Variants in RNPEP observed in about 807,000 individuals in gnomAD.
The protein encoded by RNPEP is arginyl aminopeptidase.
Under a neutral mutation model 70.1 loss-of-function variants are expected in RNPEP, and 57 were observed. The ratio of observed to expected loss-of-function variants is 0.81; its 90% CI spans 0.66 to 1.01. The LOEUF is 1.01. RNPEP is among the 50% of genes least tolerant of loss of function. RNPEP has a pLI of 0.00. For missense variants in RNPEP, 787 were observed against 852.4 expected, an observed-to-expected ratio of 0.92 and a Z score of 0.96; for synonymous variants, 335 against 357.4, an observed-to-expected ratio of 0.94 and a Z score of 0.71.
intron 3 of RNPEP, 78 bp from the exon 4 acceptor site, chr1:201,996,069 C>A: frequency 1.7e-6 from 2 of 1,193,938 alleles, no homozygotes; most frequent in Non-Finnish European, 2.4e-6. Flanking sequence ...AGGCCAATTT[C>A]CTACAGGTGC....
rs752861263 is a variant in RNPEP at position 202,003,332 on chromosome 1, C to T, written c.1522C>T (p.Leu508=). The change falls in exon 9 of 11, where the codon CTA becomes TTA. Residue 508 remains leucine (L), a synonymous_variant. Coordinates refer to ENST00000295640, the MANE Select transcript of RNPEP (RefSeq NM_020216.4). Reference sequence around the variant, plus strand: ...CTCACTCATGAAGCCTGCTGAAGAGCTAGCCCAACTGTGGGCAGCCGAGGA... The same window carrying T: ...CTCACTCATGAAGCCTGCTGAAGAGTTAGCCCAACTGTGGGCAGCCGAGGA... ...GDSLMKPAEE[L]AQLWAAEELD... The T allele has an allele frequency of 6.2e-7, 1 of 1,614,196 alleles. No homozygotes were observed. The highest frequency in any genetic ancestry group is 1.1e-5 in the South Asian group (1 of 91,084).
chr1:202,003,255 G>A lies in RNPEP; in HGVS notation c.1445G>A (p.Trp482Ter). ...DIIPGFEFDR[W>*]LNTPGWPPYL... Reference sequence around the variant, plus strand: ...CAAACAGGTTTTGAGTTTGATCGATGGCTGAATACCCCCGGCTGGCCCCCG... The same window carrying A: ...CAAACAGGTTTTGAGTTTGATCGATAGCTGAATACCCCCGGCTGGCCCCCG... The change falls in exon 9 of 11, where the codon TGG becomes TAG. Residue 482 changes from tryptophan (W) to a stop codon, truncating the protein, a stop_gained. Transcript: ENST00000295640. LOFTEE classifies it high-confidence loss of function. 6.2e-7 allele frequency: 1 copy of A among 1,612,388 alleles called. No individual in the cohort carries two copies. The highest frequency in any genetic ancestry group is 8.5e-7 in the Non-Finnish European group (1 of 1,178,988).
chr1:201,986,658 A>G (rs566095705), intron 1 of RNPEP, among the ~76,000 whole-genome samples: 1 of 149,604 alleles, frequency 6.7e-6, no homozygotes, highest in East Asian at 2.0e-4. Context: ...CTCCTCCCTC[A>G]GCCTCCGAAG....
At chr1:201,997,704 G>T in intron 5 of RNPEP, 150 bp downstream of exon 5, 1 of 540,254 alleles carries the variant, frequency 1.9e-6, no homozygotes. Context: ...TGTATGAATT[G>T]TCAAACCACA....
rs1558257963 is a variant in RNPEP, at chr1:201,984,821, C to CTTTTTTCTTTTTCTTTTTTTTTTTTT, written c.447+1714_447+1715insCTTTTTCTTTTTTTTTTTTTTTTTTT. Among the ~76,000 whole-genome samples, 4 of 121,998 alleles carry CTTTTTTCTTTTTCTTTTTTTTTTTTT rather than the reference C, an allele frequency of 3.3e-5. 1 individual carries two copies. The highest frequency in any genetic ancestry group is 6.8e-5 in the Non-Finnish European group (4 of 58,998). The allele number at this position is 121,998 out of a possible 152,430, so 80.0% of individuals were successfully genotyped here. ...TTACTGCTAACTTTTGTATTTCTTT[C>CTTTTTTCTTTTTCTTTTTTTTTTTTT]TTTTTTTTTTTTTTTTTTTTTTTTT... On this transcript the variant is annotated intron_variant, in intron 1 of 10. Coordinates refer to ENST00000295640, the MANE Select transcript of RNPEP (RefSeq NM_020216.4).
At chr1:201,993,996 T>G (rs1683448738) in intron 3 of RNPEP, among the ~76,000 whole-genome samples, 1 of 150,970 alleles carries the variant, frequency 6.6e-6, no homozygotes, top group African/African-American at 2.4e-5. Flanking sequence ...GAGAGGCCAT[T>G]CGCCTCAATA....
chr1:202,001,659 G>T lies in RNPEP; in HGVS notation c.1318G>T (p.Ala440Ser). ...TCTAAAGAGCTTTCCCTCCTCACAG[G>T]CCTATGTGCATGAATTCAAATTCCG... ...DQDQFDSFLK[A>S]YVHEFKFRSI... is the part of the protein sequence containing the mutation. Residue 440 changes from alanine to serine, a missense_variant and splice_region_variant, in exon 8 of 11, where the codon GCC (alanine) becomes TCC (serine). Physicochemically the swap from Ala to Ser is moderately conservative, Grantham distance 99 (BLOSUM62 1). Transcript: ENST00000295640. The T allele has an allele frequency of 6.2e-7, 1 of 1,610,290 alleles. No homozygotes were observed. Among genetic ancestry groups the T allele is most frequent in the Non-Finnish European group, 8.5e-7 (1 of 1,176,532 alleles).
rs745777621 is a variant in RNPEP, at chr1:202,003,232, A to G, written c.1427-5A>G. ...TCTGATAGTGTCTTCTCTCCTCCCAAACAGGTTTTGAGTTTGATCGATGGC... is the reference window on the plus strand; with the variant it reads ...TCTGATAGTGTCTTCTCTCCTCCCAGACAGGTTTTGAGTTTGATCGATGGC... On this transcript the variant is annotated splice_polypyrimidine_tract_variant and splice_region_variant and intron_variant, in intron 8 of 10. Transcript: ENST00000295640. 1.9e-6 allele frequency: 3 copies of G among 1,606,310 alleles called. No homozygotes were observed. Among genetic ancestry groups the G allele is most frequent in the Non-Finnish European group, 2.6e-6 (3 of 1,174,638 alleles).
intron 1 of RNPEP, among the ~76,000 whole-genome samples, chr1:201,985,495 C>T (rs761674422): frequency 1.5e-4 from 23 of 152,048 alleles, no homozygotes; most frequent in Non-Finnish European, 8.8e-5. Context: ...GGGTTCAAGC[C>T]ATCTGCCCGC....
At chr1:201,995,690 A>G (rs999413582) in intron 3 of RNPEP, 3 of 157,614 alleles carry the variant, frequency 1.9e-5, no homozygotes, top group African/African-American at 7.2e-5. Context: ...AAAAAAATAA[A>G]AAAGGTTTGT....
rs888064292 is a variant in RNPEP, at chr1:202,005,806, C to G, written c.*90C>G. ...CAAATTCCTGTTCCCTGATCAACTT[C>G]CTGGAGTTTATATCCCCTCAGGATA... On this transcript the variant is annotated 3_prime_UTR_variant, in exon 11 of 11. Coordinates refer to ENST00000295640, the MANE Select transcript of RNPEP (RefSeq NM_020216.4). The G allele has an allele frequency of 3.1e-5, 45 of 1,452,396 alleles. No individual in the cohort carries two copies. Among genetic ancestry groups the G allele is most frequent in the Non-Finnish European group, 4.3e-5 (45 of 1,045,408 alleles). 90.0% of individuals were successfully genotyped at this position (1,452,396 alleles called of 1,614,324 possible).
intron 3 of RNPEP, among the ~76,000 whole-genome samples, chr1:201,993,228 A>AT (rs1683408691): frequency 6.6e-6 from 1 of 152,178 alleles, no homozygotes; most frequent in Non-Finnish European, 1.5e-5. Flanking sequence ...CTCATCATTT[A>AT]CATCTCTCTC....
chr1:202,000,051 T>G (rs773460834), intron 6 of RNPEP, 36 bp downstream of exon 6: 1 of 1,476,226 alleles, frequency 6.8e-7, no homozygotes, highest in Non-Finnish European at 9.4e-7. Context: ...CCCACTCCCC[T>G]CAATTGAGCT....
At chr1:201,983,757 CTT>C (rs1385097338) in intron 1 of RNPEP, 3 of 1,101,390 alleles carry the variant, frequency 2.7e-6, no homozygotes, top group African/African-American at 1.7e-5. Flanking sequence ...TTGGTTAACT[CTT>C]TAATTTTTTT....
Position 202,003,458 on chromosome 1 carries a change from C to T in RNPEP, c.1648C>T (p.Pro550Ser). 1 of 1,609,018 alleles carries T rather than the reference C, an allele frequency of 6.2e-7. No individual in the cohort carries two copies. ...DKILQKSPLPPGNVKKLGDTY... is the reference protein window; with the variant it reads ...DKILQKSPLPSGNVKKLGDTY... Reference sequence around the variant, plus strand: ...GATCCTCCAGAAATCCCCTCTCCCTCCTGGTAAGAAAAAATGGTGAACCAG... The same window carrying T: ...GATCCTCCAGAAATCCCCTCTCCCTTCTGGTAAGAAAAAATGGTGAACCAG... Residue 550 changes from proline to serine, a missense_variant, in exon 9 of 11, where the codon CCT (proline) becomes TCT (serine). Transcript: ENST00000295640.
At chr1:201,992,169 C>T (rs1683361506) in intron 3 of RNPEP, among the ~76,000 whole-genome samples, 1 of 152,080 alleles carries the variant, frequency 6.6e-6, no homozygotes, top group Non-Finnish European at 1.5e-5. Flanking sequence ...TAGCTGGGAC[C>T]ACAGCTACTC....
In RNPEP at chr1:202,001,729, T is replaced by A. The variant is rs893436465; in HGVS notation, c.1388T>A (p.Phe463Tyr). The A allele has an allele frequency of 1.2e-6, 2 of 1,612,414 alleles. No homozygotes were observed. The highest frequency in any genetic ancestry group is 8.5e-7 in the Non-Finnish European group (1 of 1,178,566). The change falls in exon 8 of 11, where the codon TTC becomes TAC. Residue 463 changes from phenylalanine (F) to tyrosine (Y), a missense_variant. Transcript: ENST00000295640. ...TTTCTGGACTTCTACTTGGAATATT[T>A]CCCTGAGCTTAAGAAAAAGAGAGTG... ...DDFLDFYLEYFPELKKKRVDI... is the reference protein window; with the variant it reads ...DDFLDFYLEYYPELKKKRVDI...
intron 3 of RNPEP, among the ~76,000 whole-genome samples, chr1:201,991,617 G>T (rs556607942): frequency 1.3e-5 from 2 of 152,342 alleles, no homozygotes; most frequent in East Asian, 1.9e-4. Flanking sequence ...CAAGGCTGTG[G>T]TGAGTGGCTT....
At chr1:201,988,149 A>AAAAAG (rs529547505) in intron 1 of RNPEP, among the ~76,000 whole-genome samples, 7,263 of 149,212 alleles carry the variant, frequency 0.049, 234 homozygotes, top group South Asian at 0.11. Context: ...TCGAAAAAAA[A>AAAAAG]AAAAGAAAAG....
Sources: allele counts gnomAD v4.1 joint callset (sites outside exome capture counted in the v4.1 genomes callset), GRCh38; gene constraint gnomAD v4.1.1; transcripts MANE v1.5; gene names NCBI Gene and HGNC (gene_info 2026-07-23, HGNC 2026-07-21).